Variants in NTRK2 observed in about 807,000 individuals in gnomAD.
NTRK2 encodes the protein BDNF/NT-3 growth factors receptor.
A neutral mutation model predicts 94.5 loss-of-function variants in NTRK2; 13 were observed. The ratio of observed to expected loss-of-function variants is 0.14; its 90% confidence interval spans 0.09 to 0.22. The LOEUF (loss-of-function observed/expected upper bound fraction) is 0.22, where lower values mean the gene tolerates loss of function less well. Among genes scored for constraint, NTRK2 ranks in the 10% least tolerant of loss-of-function variants. NTRK2 has a pLI of 1.00. For synonymous variants in NTRK2, 372 were observed against 407.4 expected (o/e 0.91, Z 1.05); for missense variants, 639 against 1,071.2 (o/e 0.60, Z 5.63).
intron 7 of NTRK2, 119 bp from the exon 8 acceptor site, chr9:84,724,105 A>G (rs2062271609): frequency 9.4e-7 from 1 of 1,067,088 alleles, no homozygotes; most frequent in Non-Finnish European, 1.4e-6. Context: ...GTTCAGGCAG[A>G]GAAGCTTTTC....
chr9:85,011,104 TG>T (rs1296202137), intron 17 of NTRK2, among the ~76,000 whole-genome samples: 1 of 152,028 alleles, frequency 6.6e-6, no homozygotes, highest in Admixed American at 6.5e-5. Flanking sequence ...AGGTTTGCAT[TG>T]GAAATGGACC....
Position 84,676,105 on chromosome 9 carries a change from A to G in NTRK2, c.212+5145A>G, listed in dbSNP as rs561359456. On this transcript the variant is annotated intron_variant, in intron 2 of 18. Coordinates refer to ENST00000277120, the MANE Select transcript of NTRK2 (RefSeq NM_006180.6). ...TCAGGAGACCTGGAACTTCATCCCA[A>G]TGTCACCACTACCCAGTCACTACCC... 2.0e-5 allele frequency among the ~76,000 whole-genome samples: 3 copies of G among 152,346 alleles called. No individual in the cohort carries two copies. In the South Asian group the frequency reaches 6.2e-4, roughly 32 times the overall value.
chr9:84,777,185 A>C (rs1378230732), intron 12 of NTRK2, among the ~76,000 whole-genome samples: 3 of 152,204 alleles, frequency 2.0e-5, no homozygotes, highest in Admixed American at 2.0e-4. Context: ...GGGGTTGTGC[A>C]TCATAAATAG....
rs187618591 is a variant in NTRK2 at position 84,757,420 on chromosome 9, T to G, written c.1396+5335T>G. Among the ~76,000 whole-genome samples the G allele has an allele frequency of 2.4e-3, 358 of 152,316 alleles. 11 individuals are homozygous for G. Among genetic ancestry groups the G allele is most frequent in the Non-Finnish European group, 2.5e-3 (171 of 68,024 alleles). ...AATACCAGTCTTGTTCTGCATTTTTTGGGGGTAACAATTTGCCTTGCGGAT... is the reference window on the plus strand; with the variant it reads ...AATACCAGTCTTGTTCTGCATTTTTGGGGGGTAACAATTTGCCTTGCGGAT... On this transcript the variant is annotated intron_variant, in intron 12 of 18. Transcript: ENST00000277120.
At chr9:84,757,021 G>A (rs1463214940) in intron 12 of NTRK2, among the ~76,000 whole-genome samples, 1 of 152,138 alleles carries the variant, frequency 6.6e-6, no homozygotes, top group Admixed American at 6.5e-5. Flanking sequence ...AACAATTCTG[G>A]GAAATTTAAG....
chr9:84,815,339 A>T, intron 12 of NTRK2: 1 of 1,047,144 alleles, frequency 9.5e-7, no homozygotes. Flanking sequence ...AAAAGCAAAA[A>T]GAAAGGAACA....
chr9:85,017,962 A>G (rs915713688), intron 17 of NTRK2, among the ~76,000 whole-genome samples: 13 of 152,230 alleles, frequency 8.5e-5, no homozygotes, highest in African/African-American at 3.1e-4. Context: ...AGGTAAGGTT[A>G]AAAATAAGAT....
At chr9:84,676,901 G>A (rs1190853631) in intron 2 of NTRK2, among the ~76,000 whole-genome samples, 2 of 152,116 alleles carry the variant, frequency 1.3e-5, no homozygotes, top group Non-Finnish European at 2.9e-5. Flanking sequence ...TGATCTGAAA[G>A]CAATCATCTT....
At position 85,023,590 on chromosome 9, in the gene NTRK2, T is replaced by A; in HGVS notation, c.*2153T>A. 2 of 228,212 alleles carry A rather than the reference T, an allele frequency of 8.8e-6. No homozygotes were observed. The highest frequency in any genetic ancestry group is 8.7e-6 in the Non-Finnish European group (1 of 115,080). The allele number at this position is 228,212 out of a possible 1,614,324, so 14.1% of individuals were successfully genotyped here. On this transcript the variant is annotated 3_prime_UTR_variant, in exon 19 of 19. Coordinates refer to ENST00000277120, the MANE Select transcript of NTRK2 (RefSeq NM_006180.6). ...TCGTTTGTTCTCTTTGTTGATGATT[T>A]TAAAAAAACCCTCTAGAATACACAT...
rs1011483359 is a variant in NTRK2, at chr9:84,873,570, G to A, written c.1633+6139G>A. ...TTTTCAACTCCAAAGGAGATGATAAGAAGCTATCAAATAATGCTTTAAAAA... is the reference window on the plus strand; with the variant it reads ...TTTTCAACTCCAAAGGAGATGATAAAAAGCTATCAAATAATGCTTTAAAAA... On this transcript the variant is annotated intron_variant, in intron 14 of 18. Coordinates refer to ENST00000277120, the MANE Select transcript of NTRK2 (RefSeq NM_006180.6). 1.8e-5 allele frequency: 19 copies of A among 1,053,484 alleles called. No individual in the cohort carries two copies. In the African/African-American group the frequency reaches 2.7e-4, roughly 15 times the overall value. The allele number at this position is 1,053,484 out of a possible 1,614,324, so 65.3% of individuals were successfully genotyped here.
intron 14 of NTRK2, among the ~76,000 whole-genome samples, chr9:84,933,409 G>A (rs2078107253): frequency 6.6e-6 from 1 of 152,206 alleles, no homozygotes; most frequent in Admixed American, 6.5e-5. Flanking sequence ...TGTGCACCAA[G>A]AGGGTGTATG....
At chr9:84,760,425 G>A (rs1402716895) in intron 12 of NTRK2, among the ~76,000 whole-genome samples, 1 of 152,146 alleles carries the variant, frequency 6.6e-6, no homozygotes, top group African/African-American at 2.4e-5. Context: ...GCAGAAAAAT[G>A]TCGCAAATGT....
Position 84,725,597 on chromosome 9 carries a change from C to T in NTRK2, c.853+1241C>T, listed in dbSNP as rs139408155. ...ACAGGTCTACAAGTGTGTGTATCTA[C>T]ACATGTATGGACCTTATTTTGTGTA... On this transcript the variant is annotated intron_variant, in intron 8 of 18. Transcript: ENST00000277120. Among the ~76,000 whole-genome samples, 228 of 148,728 alleles carry T rather than the reference C, an allele frequency of 1.5e-3. 7 individuals carry two copies. In the East Asian group the frequency reaches 0.036, roughly 24 times the overall value.
chr9:84,936,776 G>T (rs2078226374), intron 15 of NTRK2, among the ~76,000 whole-genome samples: 1 of 152,130 alleles, frequency 6.6e-6, no homozygotes. Context: ...AAATAAGGAG[G>T]ACAAAGTGCC....
Position 85,022,303 on chromosome 9 carries a change from A to C in NTRK2, c.*866A>C, listed in dbSNP as rs527703469. 8.6e-6 allele frequency: 2 copies of C among 233,232 alleles called. No individual in the cohort carries two copies. The highest frequency in any genetic ancestry group is 6.0e-5 in the East Asian group (1 of 16,580). The allele number at this position is 233,232 out of a possible 1,614,324, so 14.4% of individuals were successfully genotyped here. A position where few individuals can be genotyped will look rare whatever the true frequency, so the allele number is the denominator to read the frequency against. On this transcript the variant is annotated 3_prime_UTR_variant, in exon 19 of 19. Coordinates refer to ENST00000277120, the MANE Select transcript of NTRK2 (RefSeq NM_006180.6). ...CCCATCACCAGAAATGATAGCGTGC[A>C]GTAGAGAGCAAAGATGGCTTCCGTG...
chr9:84,730,780 T>TA (rs2062815611), intron 9 of NTRK2, among the ~76,000 whole-genome samples: 1 of 5,852 alleles, frequency 1.7e-4, no homozygotes, highest in Non-Finnish European at 2.8e-4. Flanking sequence ...AATAAACAAA[T>TA]AGCAAAAAAA....
chr9:85,003,941 A>G (rs60037650), intron 17 of NTRK2, among the ~76,000 whole-genome samples: 101,481 of 140,968 alleles, frequency 0.72, 37,268 homozygotes, highest in African/African-American at 0.81. Context: ...CTTGAACAAA[A>G]ACAGGAGTGA....
At chr9:84,677,693 C>G (rs969822341) in intron 2 of NTRK2, among the ~76,000 whole-genome samples, 1 of 152,050 alleles carries the variant, frequency 6.6e-6, no homozygotes, top group Non-Finnish European at 1.5e-5. Context: ...ACCTTGGTGC[C>G]CAAATTTGAC....
intron 12 of NTRK2, among the ~76,000 whole-genome samples, chr9:84,775,833 C>T (rs962631684): frequency 5.3e-5 from 8 of 152,156 alleles, no homozygotes; most frequent in Non-Finnish European, 1.0e-4. Flanking sequence ...GATCTGGGGC[C>T]TCATCCCAGA....
Sources: allele counts gnomAD v4.1 joint callset (sites outside exome capture counted in the v4.1 genomes callset), GRCh38; gene constraint gnomAD v4.1.1; transcripts MANE v1.5; gene names NCBI Gene and HGNC (gene_info 2026-07-23, HGNC 2026-07-21).